ADAMTSL5: variants seen among roughly 807,000 people sequenced by gnomAD.
The protein encoded by ADAMTSL5 is ADAMTS like 5, also known as ADAMTS-like protein 5.
Under a neutral mutation model 51.7 loss-of-function variants are expected in ADAMTSL5, and 53 were observed. The ratio of observed to expected loss-of-function variants is 1.03; its 90% CI spans 0.82 to 1.29. The LOEUF (loss-of-function observed/expected upper bound fraction) is 1.29. ADAMTSL5 is among the 50% of genes most tolerant of loss of function. The probability of loss-of-function intolerance (pLI) is 0.00; values close to 1 mark genes in which losing one functional copy is unlikely to be tolerated. For synonymous variants in ADAMTSL5, 285 were observed against 278.7 expected (o/e 1.02, Z -0.23); for missense variants, 770 against 676.2 (o/e 1.14, Z -1.54).
chr19:1,507,512 C>T (rs1348838327), intron 8 of ADAMTSL5, 45 bp downstream of exon 8: 4 of 1,612,444 alleles, frequency 2.5e-6, no homozygotes, highest in Admixed American at 3.3e-5. Flanking sequence ...GACAACCGCC[C>T]CCGGGTGCCC....
In ADAMTSL5 at chr19:1,506,798, T is replaced by G; in HGVS notation, c.983A>C (p.Glu328Ala). The stretch of plus-strand genomic sequence containing the variant: ...AGCAGGGGCTGCGGGGGGCTGAGGC[T>G]CCACCCCCCGGGGCTGAGGCTGCCT... ...PLRQPQPRGV[E>A]PQPPAAPAVT... Residue 328 changes from glutamate (E) to alanine (A), a missense_variant, in exon 10 of 12, where the codon GAG becomes GCG. Glu to Ala is a moderately radical substitution (Grantham distance 107, BLOSUM62 -1). Coordinates refer to ENST00000330475, the MANE Select transcript of ADAMTSL5 (RefSeq NM_213604.3). The surrounding 1 kb of genome is among the most constrained non-coding windows in gnomAD (Gnocchi z 5.6). The G allele has an allele frequency of 6.5e-7, 1 of 1,540,390 alleles. No individual in the cohort carries two copies. Among genetic ancestry groups the G allele is most frequent in the South Asian group, 1.2e-5 (1 of 83,194 alleles).
chr19:1,512,883 C>A (rs1249648965), intron 1 of ADAMTSL5, 80 bp downstream of exon 1: 2 of 152,328 alleles, frequency 1.3e-5, no homozygotes, highest in African/African-American at 4.8e-5. Context: ...CCCGGACTGG[C>A]GGAGGGATCT....
rs1166008996 is a variant in ADAMTSL5, at chr19:1,510,922, G to A, written c.22C>T (p.Pro8Ser). MDSAPLFPRPHLFQNLLL... is the reference protein window; with the variant it reads MDSAPLFSRPHLFQNLLL... Reference sequence around the variant, plus strand: ...AGGTTCTGGAAGAGGTGGGGCCTGGGGAACAGAGGGGCCGAGTCCATAGAG... The same window carrying A: ...AGGTTCTGGAAGAGGTGGGGCCTGGAGAACAGAGGGGCCGAGTCCATAGAG... The change falls in exon 2 of 12, where the codon CCC becomes TCC. Residue 8 changes from proline (P) to serine (S), a missense_variant. Physicochemically the swap from Pro to Ser is moderately conservative, Grantham distance 74 (BLOSUM62 -1). Transcript: ENST00000330475. The A allele has an allele frequency of 1.4e-6, 2 of 1,463,486 alleles. No individual in the cohort carries two copies. Among genetic ancestry groups the A allele is most frequent in the Non-Finnish European group, 9.0e-7 (1 of 1,117,238 alleles). 90.7% of individuals were successfully genotyped at this position (1,463,486 alleles called of 1,614,324 possible).
In ADAMTSL5 at chr19:1,505,745, A is replaced by C. The variant is rs950213001; in HGVS notation, c.*270T>G. On this transcript the variant is annotated 3_prime_UTR_variant, in exon 12 of 12. Coordinates refer to ENST00000330475, the MANE Select transcript of ADAMTSL5 (RefSeq NM_213604.3). The stretch of plus-strand genomic sequence containing the variant: ...AGCGTTAAACTTTCTGAGTATAAAT[A>C]GCTATGAGCTTCCTGGCAGCCAAGG... 4.7e-6 allele frequency: 2 copies of C among 422,936 alleles called. No homozygotes were observed. The highest frequency in any genetic ancestry group is 4.1e-5 in the African/African-American group (2 of 48,480). 26.2% of individuals were successfully genotyped at this position (422,936 alleles called of 1,614,324 possible).
chr19:1,510,536 G>T (rs1913206508), intron 3 of ADAMTSL5, 103 bp downstream of exon 3: 1 of 1,493,408 alleles, frequency 6.7e-7, no homozygotes. Context: ...GGATCAGGGG[G>T]ATTAAAGGGC....
At position 1,507,393 on chromosome 19, in the gene ADAMTSL5, C is replaced by G. The variant is rs141123035; in HGVS notation, c.701G>C (p.Gly234Ala). The change falls in exon 9 of 12, where the codon GGC (glycine) becomes GCC (alanine). Residue 234 changes from glycine to alanine, a missense_variant. Transcript: ENST00000330475. The stretch of plus-strand genomic sequence containing the variant: ...CCCATTAAGCACGTAGCGCCCATCG[C>G]CCCCCATCAGTGCTGCAAGGGAACA... ...RSRNHLALMGGDGRYVLNGHW... is the reference protein window; with the variant it reads ...RSRNHLALMGADGRYVLNGHW... 1 of 1,574,740 alleles carries G rather than the reference C, an allele frequency of 6.4e-7. No individual in the cohort carries two copies. The highest frequency in any genetic ancestry group is 1.4e-5 in the African/African-American group (1 of 73,984).
At position 1,506,893 on chromosome 19, in the gene ADAMTSL5, A is replaced by T. The variant is rs1023385722; in HGVS notation, c.888T>A (p.Phe296Leu). 4.5e-6 allele frequency: 7 copies of T among 1,548,930 alleles called. No homozygotes were observed. The African/African-American group carries it at 9.6e-5, about 21-fold the overall frequency. Residue 296 changes from phenylalanine (F) to leucine (L), a missense_variant, in exon 10 of 12, where the codon TTT becomes TTA. By Grantham distance (22) the Phe-to-Leu change is conservative (BLOSUM62 0). Coordinates refer to ENST00000330475, the MANE Select transcript of ADAMTSL5 (RefSeq NM_213604.3). The surrounding 1 kb of genome is among the most constrained non-coding windows in gnomAD (Gnocchi z 5.6). Reference protein sequence around the residue: ...LLQEPNPGIEFEFWLPRERYS... With the variant: ...LLQEPNPGIELEFWLPRERYS... ...AGCGCTCCCGAGGGAGCCAGAACTCAAACTCGATGCCAGGGTTGGGCTCCT... is the reference window on the plus strand; with the variant it reads ...AGCGCTCCCGAGGGAGCCAGAACTCTAACTCGATGCCAGGGTTGGGCTCCT...
In ADAMTSL5 at chr19:1,508,589, G is replaced by T; in HGVS notation, c.362-19C>A. The stretch of plus-strand genomic sequence containing the variant: ...TTGGGCGCTGAGGGCAGGAGGAGTC[G>T]GTGGGCCGGGGACCCCTGTTCGAGC... On this transcript the variant is annotated intron_variant, in intron 5 of 11. Coordinates refer to ENST00000330475, the MANE Select transcript of ADAMTSL5 (RefSeq NM_213604.3). The T allele has an allele frequency of 6.6e-7, 1 of 1,509,068 alleles. No homozygotes were observed. The highest frequency in any genetic ancestry group is 8.8e-7 in the Non-Finnish European group (1 of 1,131,220). The allele number at this position is 1,509,068 out of a possible 1,614,324, so 93.5% of individuals were successfully genotyped here. A position where few individuals can be genotyped will look rare whatever the true frequency, so the allele number is the denominator to read the frequency against.
chr19:1,507,215 C>G (rs760293648), intron 9 of ADAMTSL5, 27 bp downstream of exon 9: 2 of 1,524,002 alleles, frequency 1.3e-6, no homozygotes, highest in East Asian at 4.5e-5. Context: ...CCGACCCCCT[C>G]TGACCCTGTT....
chr19:1,507,561 G>A lies in ADAMTSL5; in HGVS notation c.684C>T (p.His228=). The change falls in exon 8 of 12, where the codon CAC becomes CAT. Residue 228 remains histidine (H), a synonymous_variant. Transcript: ENST00000330475. ...HIRVEHRSRN[H]LALMGGDGRY... is the part of the protein sequence containing the mutation. ...TCGCCTCACATCCTAGGATACCCAG[G>A]TGGTTGCGGCTCCTGTGTTCCACGC... 1 of 1,613,536 alleles carries A rather than the reference G, an allele frequency of 6.2e-7. No homozygotes were observed. Among genetic ancestry groups the A allele is most frequent in the South Asian group, 1.1e-5 (1 of 91,082 alleles).
At chr19:1,507,863 G>A (rs1329223712) in intron 7 of ADAMTSL5, 135 bp downstream of exon 7, 3 of 1,081,442 alleles carry the variant, frequency 2.8e-6, no homozygotes, top group Non-Finnish European at 4.0e-6. Flanking sequence ...CAATCTGTCA[G>A]TAGCCAATCA....
intron 6 of ADAMTSL5, 73 bp from the exon 7 acceptor site, chr19:1,508,182 G>C: frequency 6.8e-7 from 1 of 1,465,588 alleles, no homozygotes; most frequent in South Asian, 1.2e-5. Flanking sequence ...GCAGTGCCTG[G>C]GAGCAAGAGG....
rs1426118895 is a variant in ADAMTSL5 at position 1,505,157 on chromosome 19, C to T, written c.*858G>A. ...CCGAGGCAGGAGGATCGTTTGAGGCCAGTAGTTGGAGAGCAGTGTGGGCAA... is the reference window on the plus strand; with the variant it reads ...CCGAGGCAGGAGGATCGTTTGAGGCTAGTAGTTGGAGAGCAGTGTGGGCAA... On this transcript the variant is annotated 3_prime_UTR_variant, in exon 12 of 12. Coordinates refer to ENST00000330475, the MANE Select transcript of ADAMTSL5 (RefSeq NM_213604.3). 1 of 151,996 alleles carries T rather than the reference C, an allele frequency of 6.6e-6. No individual in the cohort carries two copies. Among genetic ancestry groups the T allele is most frequent in the South Asian group, 2.1e-4 (1 of 4,810 alleles). The allele number at this position is 151,996 out of a possible 1,614,324, so 9.4% of individuals were successfully genotyped here.
chr19:1,507,844 A>G (rs531049602), intron 7 of ADAMTSL5, among the ~76,000 whole-genome samples, 154 bp downstream of exon 7: 3 of 152,282 alleles, frequency 2.0e-5, no homozygotes, highest in Admixed American at 2.0e-4. Context: ...GTCCTGGGGA[A>G]GGGCGGGACA....
rs773045688 is a variant in ADAMTSL5, at chr19:1,506,043, C to A, written c.1388G>T (p.Arg463Leu). The A allele has an allele frequency of 3.2e-6, 5 of 1,585,178 alleles. No homozygotes were observed. In the African/African-American group the frequency reaches 5.4e-5, roughly 17 times the overall value. Residue 463 changes from arginine (R) to leucine (L), a missense_variant, in exon 12 of 12, where the codon CGC becomes CTC. Coordinates refer to ENST00000330475, the MANE Select transcript of ADAMTSL5 (RefSeq NM_213604.3). This position sits in a 1 kb window ranked among gnomAD's most constrained non-coding sequence, Gnocchi z 5.6. ...GCCAGGACAGCGCCGGGCAGTCAGG[C>A]GTATGCGGCTGTCCTCCGCAGGGCT... ...PWSPAEDSRI[R>L]LTARRCPG is the part of the protein sequence containing the mutation.
At position 1,506,660 on chromosome 19, in the gene ADAMTSL5, G is replaced by A; in HGVS notation, c.1044C>T (p.Asp348=). ...TPAQTPTLAP[D]PCPPCPDTRG... is the part of the protein sequence containing the mutation. ...GGGTGTCAGGGCAGGGTGGGCAGGG[G>A]TCTGTGGGATGGGCGGTGCTGTGAG... Residue 348 remains aspartate (D), a splice_region_variant and synonymous_variant, in exon 11 of 12, where the codon GAC becomes GAT. Coordinates refer to ENST00000330475, the MANE Select transcript of ADAMTSL5 (RefSeq NM_213604.3). This position sits in a 1 kb window ranked among gnomAD's most constrained non-coding sequence, Gnocchi z 5.6. 1.9e-6 allele frequency: 3 copies of A among 1,605,836 alleles called. No individual in the cohort carries two copies. The South Asian group carries it at 3.4e-5, about 18-fold the overall frequency.
At position 1,507,268 on chromosome 19, in the gene ADAMTSL5, GC is replaced by G; in HGVS notation, c.825del (p.Thr277ProfsTer43). On this transcript the variant is annotated frameshift_variant, in exon 9 of 12. Transcript: ENST00000330475. LOFTEE classifies it high-confidence loss of function. Reference sequence around the variant, plus strand: ...TGTAGGAGCAGGTCATGGGAGGTGGGCCCGGCTGCTTGCAATGTCTCCTGGG... The same window carrying G: ...TGTAGGAGCAGGTCATGGGAGGTGGGCCGGCTGCTTGCAATGTCTCCTGGG... ...TGPQETLQAA[G>X]PTSHDLLLQV... The G allele has an allele frequency of 6.4e-7, 1 of 1,553,898 alleles. No individual in the cohort carries two copies.
In ADAMTSL5 at chr19:1,510,150, C is replaced by T. The variant is rs1913181372; in HGVS notation, c.361G>A (p.Ala121Thr). Residue 121 changes from alanine (A) to threonine (T), a missense_variant and splice_region_variant, in exon 5 of 12, where the codon GCG (alanine) becomes ACG (threonine). Physicochemically the swap from Ala to Thr is moderately conservative, Grantham distance 58 (BLOSUM62 0). Coordinates refer to ENST00000330475, the MANE Select transcript of ADAMTSL5 (RefSeq NM_213604.3). Reference protein sequence around the residue: ...KTYQWVPFHGAPNQCDLNCLA... With the variant: ...KTYQWVPFHGTPNQCDLNCLA... ...GACCACAGGAGACCAGACTACTCAC[C>T]CCCATGGAAGGGCACCCACTGGTAG... The T allele has an allele frequency of 1.2e-6, 2 of 1,608,736 alleles. No individual in the cohort carries two copies. Among genetic ancestry groups the T allele is most frequent in the Non-Finnish European group, 1.7e-6 (2 of 1,177,614 alleles).
rs1291035643 is a variant in ADAMTSL5 at position 1,510,468 on chromosome 19, C to T, written c.192-40G>A. The stretch of plus-strand genomic sequence containing the variant: ...AGTGTGGCGAGAACCCCCAGGGACC[C>T]CCTCCCAGGGCTGGCCTTCCACCCT... On this transcript the variant is annotated intron_variant, in intron 3 of 11. Coordinates refer to ENST00000330475, the MANE Select transcript of ADAMTSL5 (RefSeq NM_213604.3). The T allele has an allele frequency of 3.2e-6, 5 of 1,569,498 alleles. No homozygotes were observed. In the African/African-American group the frequency reaches 6.8e-5, roughly 21 times the overall value.
Sources: gnomAD v4.1 joint callset for allele counts (sites outside exome capture counted in the v4.1 genomes callset) on GRCh38, gnomAD v4.1.1 for gene constraint, Gnocchi (gnomAD v3.1) non-coding constraint, MANE v1.5 for transcripts, NCBI Gene and HGNC (gene_info 2026-07-23, HGNC 2026-07-21) for gene names.